UBE3B: variants seen among roughly 807,000 people sequenced by gnomAD.
UBE3B encodes the protein ubiquitin-protein ligase E3B.
UBE3B carries 80 observed loss-of-function variants against 132.3 expected under a neutral mutation model. The observed-to-expected ratio is 0.60, with a 90% CI of 0.50 to 0.73. The LOEUF is 0.73. Ranked by LOEUF, UBE3B falls within the 30% of genes least tolerant of loss-of-function variation. The pLI, the probability that UBE3B is intolerant of heterozygous loss-of-function variation, is 0.00. For synonymous variants in UBE3B, 487 were observed against 520.4 expected, an observed-to-expected ratio of 0.94 and a Z score of 0.87; for missense variants, 1,196 against 1,362.5, an observed-to-expected ratio of 0.88 and a Z score of 1.92.
At chr12:109,523,570 A>G (rs1192941492) in intron 21 of UBE3B, among the ~76,000 whole-genome samples, 1 of 151,704 alleles carries the variant, frequency 6.6e-6, no homozygotes, top group Admixed American at 6.6e-5. Context: ...TTTGGGGGAG[A>G]GCTTATCCTC....
rs1883450855 is a variant in UBE3B, at chr12:109,536,552, C to A, written c.*1770C>A. The A allele has an allele frequency of 6.6e-6, 1 of 152,192 alleles. No homozygotes were observed. The highest frequency in any genetic ancestry group is 1.5e-5 in the Non-Finnish European group (1 of 68,038). 9.4% of individuals were successfully genotyped at this position (152,192 alleles called of 1,614,324 possible). On this transcript the variant is annotated 3_prime_UTR_variant, in exon 28 of 28. Transcript: ENST00000342494. ...TCAGCAGCTGGAAATATTGCACTAT[C>A]TGAAACACTGAATCTCCTTTTGTAA...
chr12:109,480,204 T>A (rs1289080816), intron 1 of UBE3B, among the ~76,000 whole-genome samples: 2 of 151,840 alleles, frequency 1.3e-5, no homozygotes, highest in Non-Finnish European at 2.9e-5. Flanking sequence ...TTTTTTTTTT[T>A]AATCCTTGTG....
intron 12 of UBE3B, among the ~76,000 whole-genome samples, chr12:109,500,834 A>T (rs962162776): frequency 6.6e-6 from 1 of 152,210 alleles, no homozygotes; most frequent in Admixed American, 6.5e-5. Context: ...GCCTGGCCGT[A>T]CTCAGGGGTG....
At chr12:109,537,867 G>A (rs1883511586), downstream of UBE3B, among the ~76,000 whole-genome samples, 1 of 152,050 alleles carries the variant, frequency 6.6e-6, no homozygotes, top group Admixed American at 6.6e-5. Context: ...ACCTTGCCTG[G>A]CTAATTTTTT....
intron 18 of UBE3B, 118 bp downstream of exon 18, chr12:109,511,421 A>G (rs545995032): frequency 1.1e-6 from 1 of 882,016 alleles, no homozygotes; most frequent in Admixed American, 2.3e-5. Flanking sequence ...CATTCAGCAC[A>G]AGGAAACGGT....
At chr12:109,491,945 T>C (rs1167816895) in intron 9 of UBE3B, 1 of 152,342 alleles carries the variant, frequency 6.6e-6, no homozygotes, top group East Asian at 1.9e-4. Flanking sequence ...ATGCCGTTGA[T>C]ATCCCATGAA....
Position 109,534,844 on chromosome 12 carries a change from C to A in UBE3B, c.*62C>A. On this transcript the variant is annotated 3_prime_UTR_variant, in exon 28 of 28. Transcript: ENST00000342494. The surrounding 1 kb of genome is among the most constrained non-coding windows in gnomAD (Gnocchi z 5.2). The stretch of plus-strand genomic sequence containing the variant: ...GCCAGGGACCTTCAGCTCCCAGAGG[C>A]AGTGTGGTCCTGGGAATGTGACCAA... 7.2e-7 allele frequency: 1 copy of A among 1,383,334 alleles called. No individual in the cohort carries two copies. The highest frequency in any genetic ancestry group is 9.7e-7 in the Non-Finnish European group (1 of 1,029,706). 85.7% of individuals were successfully genotyped at this position (1,383,334 alleles called of 1,614,324 possible).
At chr12:109,508,928 C>T (rs1258877564) in intron 15 of UBE3B, 1 of 192,110 alleles carries the variant, frequency 5.2e-6, no homozygotes, top group Non-Finnish European at 9.6e-6. Context: ...TAAACATCGA[C>T]TCTCAGTCAA....
chr12:109,490,802 GTTTTTTGTTTTTTTGT>G (rs572010570), intron 8 of UBE3B: 1 of 1,323,086 alleles, frequency 7.6e-7, no homozygotes, highest in South Asian at 1.8e-5. Flanking sequence ...ACTGCATACG[GTTTTTTGTTTTTTTGT>G]TTTTTTGTTT....
chr12:109,507,778 G>A, intron 15 of UBE3B, 43 bp downstream of exon 15: 1 of 1,584,268 alleles, frequency 6.3e-7, no homozygotes, highest in Non-Finnish European at 8.6e-7. Flanking sequence ...CCTAGAATAT[G>A]GAGAGACCAA....
rs759816886 is a variant in UBE3B at position 109,530,564 on chromosome 12, A to G, written c.2828A>G (p.Tyr943Cys). ...GCTTTCAGGAAGCACACAGTCTACT[A>G]CGGTGGTTTCCATGGAAGTCACAGA... Reference protein sequence around the residue: ...LEDLKKHTVYYGGFHGSHRVI... With the variant: ...LEDLKKHTVYCGGFHGSHRVI... Residue 943 changes from tyrosine (Y) to cysteine (C), a missense_variant, in exon 26 of 28, where the codon TAC (tyrosine) becomes TGC (cysteine). Physicochemically the swap from Tyr to Cys is radical, Grantham distance 194 (BLOSUM62 -2). Coordinates refer to ENST00000342494, the MANE Select transcript of UBE3B (RefSeq NM_130466.4). 2 of 1,614,164 alleles carry G rather than the reference A, an allele frequency of 1.2e-6. No homozygotes were observed. The highest frequency in any genetic ancestry group is 1.7e-6 in the Non-Finnish European group (2 of 1,180,024).
At chr12:109,509,778 T>C in intron 16 of UBE3B, 64 bp downstream of exon 16, 1 of 961,968 alleles carries the variant, frequency 1.0e-6, no homozygotes, top group Non-Finnish European at 1.6e-6. Context: ...GAAGAGTCTA[T>C]GGCATCAACT....
chr12:109,534,995 G>T lies in UBE3B; in HGVS notation c.*213G>T. 2.5e-6 allele frequency: 1 copy of T among 402,268 alleles called. No individual in the cohort carries two copies. The highest frequency in any genetic ancestry group is 4.4e-6 in the Non-Finnish European group (1 of 229,258). The allele number at this position is 402,268 out of a possible 1,614,324, so 24.9% of individuals were successfully genotyped here. ...CAGGTGATGCCCAAGGCACAGGGCT[G>T]CAGAAAATAAACCTCCAGATTCCAC... On this transcript the variant is annotated 3_prime_UTR_variant, in exon 28 of 28. Coordinates refer to ENST00000342494, the MANE Select transcript of UBE3B (RefSeq NM_130466.4). This position sits in a 1 kb window ranked among gnomAD's most constrained non-coding sequence, Gnocchi z 5.2.
At chr12:109,545,196 C>T in the UBE3B span, among the ~76,000 whole-genome samples, 1 of 152,366 alleles carries the variant, frequency 6.6e-6, no homozygotes, top group Admixed American at 6.5e-5. Context: ...GAGCACACCC[C>T]ATGTGGGGCT....
At chr12:109,506,663 T>C (rs949274216) in intron 14 of UBE3B, among the ~76,000 whole-genome samples, 2 of 152,240 alleles carry the variant, frequency 1.3e-5, no homozygotes, top group Non-Finnish European at 2.9e-5. Flanking sequence ...CAAATCTGTT[T>C]CTTTACACAT....
chr12:109,487,489 C>T (rs1876706401), intron 6 of UBE3B, among the ~76,000 whole-genome samples: 1 of 152,236 alleles, frequency 6.6e-6, no homozygotes, highest in Non-Finnish European at 1.5e-5. Context: ...ATGGCTCTTG[C>T]CATGCCTGGC....
chr12:109,501,858 C>T (rs541104296), intron 13 of UBE3B, among the ~76,000 whole-genome samples: 1 of 151,516 alleles, frequency 6.6e-6, no homozygotes, highest in South Asian at 2.1e-4. Flanking sequence ...AGATGGGGGC[C>T]TTACCTTATT....
intron 24 of UBE3B, 22 bp from the exon 25 acceptor site, chr12:109,529,868 A>G (rs1452460494): frequency 1.9e-6 from 3 of 1,613,296 alleles, no homozygotes; most frequent in East Asian, 2.2e-5. Context: ...TGTCATTGTT[A>G]TCTCTTCCTT....
At chr12:109,541,015 G>C (rs557798920), downstream of UBE3B, among the ~76,000 whole-genome samples, 13 of 152,210 alleles carry the variant, frequency 8.5e-5, no homozygotes, top group Non-Finnish European at 1.3e-4. Context: ...TCTGGCTCCA[G>C]CGTCCCCATG....
Sources: gnomAD v4.1 joint callset for allele counts (sites outside exome capture counted in the v4.1 genomes callset) on GRCh38, gnomAD v4.1.1 for gene constraint, Gnocchi (gnomAD v3.1) non-coding constraint, MANE v1.5 for transcripts, NCBI Gene and HGNC (gene_info 2026-07-23, HGNC 2026-07-21) for gene names.